The following DERA variants were observed in gnomAD, a reference collection of about 807,000 sequenced individuals.
DERA encodes 2-deoxy-D-ribose 5-phosphate aldolase.
A neutral mutation model predicts 41.1 loss-of-function variants in DERA; 15 were observed. The observed-to-expected ratio is 0.37, with a 90% CI of 0.24 to 0.56. The LOEUF (loss-of-function observed/expected upper bound fraction) is 0.56, where lower values mean the gene tolerates loss of function less well. Ranked by LOEUF, DERA falls within the 20% of genes least tolerant of loss-of-function variation. DERA has a pLI of 0.81. For missense variants in DERA, 396 were observed against 403.4 expected (o/e 0.98, Z 0.16); for synonymous variants, 139 against 137.4 (o/e 1.01, Z -0.08).
rs1948876935 is a variant in DERA, at chr12:16,001,870, G to T, written c.637+19434G>T. On this transcript the variant is annotated intron_variant, in intron 6 of 8. Transcript: ENST00000428559. The surrounding 1 kb of genome is among the most constrained non-coding windows in gnomAD (Gnocchi z 4.1). ...AGAATTCAGGTGCTTTGGGAGCTTA[G>T]AGAGGAAACAAACCCCGGTATGGAC... Among the ~76,000 whole-genome samples the T allele has an allele frequency of 6.6e-6, 1 of 152,160 alleles. No homozygotes were observed. The highest frequency in any genetic ancestry group is 1.5e-5 in the Non-Finnish European group (1 of 68,044).
chr12:15,925,667 A>G (rs915264322), intron 1 of DERA, among the ~76,000 whole-genome samples: 2 of 152,116 alleles, frequency 1.3e-5, no homozygotes, highest in South Asian at 2.1e-4. Flanking sequence ...ATTGCCTAGT[A>G]TCATCTCCTG....
At chr12:16,033,911 C>T (rs888912296) in intron 7 of DERA, among the ~76,000 whole-genome samples, 3 of 152,078 alleles carry the variant, frequency 2.0e-5, no homozygotes, top group African/African-American at 4.8e-5. Flanking sequence ...TGACCCAACT[C>T]GAATAACCTC....
intron 1 of DERA, among the ~76,000 whole-genome samples, chr12:15,930,352 A>G (rs1948318412): frequency 6.6e-6 from 1 of 152,200 alleles, no homozygotes; most frequent in African/African-American, 2.4e-5. Context: ...TTTCTTTCAT[A>G]TGGAAATGTG....
At position 15,959,693 on chromosome 12, in the gene DERA, T is replaced by C. The variant is rs1399293586; in HGVS notation, c.278-136T>C. The C allele has an allele frequency of 1.9e-6, 1 of 533,824 alleles. No individual in the cohort carries two copies. The highest frequency in any genetic ancestry group is 3.4e-6 in the Non-Finnish European group (1 of 296,138). The allele number at this position is 533,824 out of a possible 1,614,324, so 33.1% of individuals were successfully genotyped here. On this transcript the variant is annotated intron_variant, in intron 3 of 8. Coordinates refer to ENST00000428559, the MANE Select transcript of DERA (RefSeq NM_015954.4). This position sits in a 1 kb window ranked among gnomAD's most constrained non-coding sequence, Gnocchi z 4.5. ...AATGTGGAAAATAAAAATCTTTTAATTTATTGCAGTATTGTGGGGGAATTA... is the reference window on the plus strand; with the variant it reads ...AATGTGGAAAATAAAAATCTTTTAACTTATTGCAGTATTGTGGGGGAATTA...
At position 15,959,878 on chromosome 12, in the gene DERA, T is replaced by C. The variant is rs772473455; in HGVS notation, c.327T>C (p.Ala109=). Residue 109 remains alanine (A), a synonymous_variant, in exon 4 of 9, where the codon GCT becomes GCC. Coordinates refer to ENST00000428559, the MANE Select transcript of DERA (RefSeq NM_015954.4). The surrounding 1 kb of genome is among the most constrained non-coding windows in gnomAD (Gnocchi z 4.5). ...TTTATCCCGCCCGGGTGTGTGATGC[T>C]GTAAAAGCACTCAAGGCTGCAGGCT... ...VCVYPARVCD[A]VKALKAAGCN... 6.4e-7 allele frequency: 1 copy of C among 1,551,858 alleles called. No individual in the cohort carries two copies. Among genetic ancestry groups the C allele is most frequent in the South Asian group, 1.2e-5 (1 of 84,062 alleles).
At chr12:15,918,000 G>A (rs1002586925) in intron 1 of DERA, among the ~76,000 whole-genome samples, 1 of 152,236 alleles carries the variant, frequency 6.6e-6, no homozygotes, top group Admixed American at 6.5e-5. Flanking sequence ...TCATCTCTCT[G>A]TATCTACATA....
At position 15,981,123 on chromosome 12, in the gene DERA, C is replaced by A. The variant is rs138981038; in HGVS notation, c.509-1185C>A. On this transcript the variant is annotated intron_variant, in intron 5 of 8. Coordinates refer to ENST00000428559, the MANE Select transcript of DERA (RefSeq NM_015954.4). This position sits in a 1 kb window ranked among gnomAD's most constrained non-coding sequence, Gnocchi z 6.1. Reference sequence around the variant, plus strand: ...CAGCACTTTGGGACGCTGAGGCAGGCGGATTACCAGATCAGGAGATCGAGA... The same window carrying A: ...CAGCACTTTGGGACGCTGAGGCAGGAGGATTACCAGATCAGGAGATCGAGA... Among the ~76,000 whole-genome samples, 18 of 152,150 alleles carry A rather than the reference C, an allele frequency of 1.2e-4. No homozygotes were observed. Among genetic ancestry groups the A allele is most frequent in the African/African-American group, 4.3e-4 (18 of 41,508 alleles).
Position 15,931,348 on chromosome 12 carries a change from T to C in DERA, c.31+19934T>C, listed in dbSNP as rs1459827373. Among the ~76,000 whole-genome samples, 3 of 152,218 alleles carry C rather than the reference T, an allele frequency of 2.0e-5. No individual in the cohort carries two copies. The highest frequency in any genetic ancestry group is 4.4e-5 in the Non-Finnish European group (3 of 68,032). On this transcript the variant is annotated intron_variant, in intron 1 of 8. Coordinates refer to ENST00000428559, the MANE Select transcript of DERA (RefSeq NM_015954.4). The surrounding 1 kb of genome is among the most constrained non-coding windows in gnomAD (Gnocchi z 4.6). ...TTGAGAGGAAAGAGTTAAGTGGATT[T>C]TCTCTGAAGCGCTTGGTTCCTAGAA...
At position 15,962,764 on chromosome 12, in the gene DERA, T is replaced by C. The variant is rs190444750; in HGVS notation, c.374-49T>C. The stretch of plus-strand genomic sequence containing the variant: ...TCCCCTCCCCCCCTTGCTTACTTTC[T>C]TTCTTCCCTCCTTCCCTCTTTCTTC... On this transcript the variant is annotated intron_variant, in intron 4 of 8. Coordinates refer to ENST00000428559, the MANE Select transcript of DERA (RefSeq NM_015954.4). The C allele has an allele frequency of 3.7e-5, 55 of 1,491,418 alleles. No homozygotes were observed. In the East Asian group the frequency reaches 9.3e-4, roughly 25 times the overall value. The allele number at this position is 1,491,418 out of a possible 1,614,324, so 92.4% of individuals were successfully genotyped here.
intron 7 of DERA, among the ~76,000 whole-genome samples, chr12:16,034,187 G>C (rs1949111928): frequency 1.3e-5 from 2 of 152,196 alleles, no homozygotes. Flanking sequence ...CCAGGGTTCA[G>C]ACCTGCCATT....
chr12:15,977,365 C>T (rs1183889211), intron 5 of DERA, among the ~76,000 whole-genome samples: 7 of 152,200 alleles, frequency 4.6e-5, no homozygotes. Flanking sequence ...TTTTATTCCA[C>T]GTATGAAGAC....
At chr12:15,930,040 T>C (rs75186395) in intron 1 of DERA, among the ~76,000 whole-genome samples, 2,118 of 152,324 alleles carry the variant, frequency 0.014, 47 homozygotes, top group African/African-American at 0.048. Flanking sequence ...AGCTAGGTCA[T>C]AGAGTAACTG....
At chr12:16,031,568 G>A (rs1592059211) in intron 6 of DERA, among the ~76,000 whole-genome samples, 2 of 152,290 alleles carry the variant, frequency 1.3e-5, no homozygotes, top group South Asian at 4.1e-4. Flanking sequence ...TGCCCGTGCT[G>A]CTGGTACATC....
rs1164615922 is a variant in DERA, at chr12:15,993,765, C to T, written c.637+11329C>T. ...CCAAGCAAAAATTTTATAAAGTTTA[C>T]CCCCACCTGGCCCCTCGCTATCCTT... On this transcript the variant is annotated intron_variant, in intron 6 of 8. Transcript: ENST00000428559. The surrounding 1 kb of genome is among the most constrained non-coding windows in gnomAD (Gnocchi z 4.4). Among the ~76,000 whole-genome samples, 1 of 152,054 alleles carries T rather than the reference C, an allele frequency of 6.6e-6. No individual in the cohort carries two copies. The highest frequency in any genetic ancestry group is 2.4e-5 in the African/African-American group (1 of 41,400).
At position 15,990,595 on chromosome 12, in the gene DERA, C is replaced by A. The variant is rs1396132515; in HGVS notation, c.637+8159C>A. ...TTTGTCGTTTTTTCTGATCCTCTTC[C>A]TCCTTCCACCCTCCAAACTCCAAAA... On this transcript the variant is annotated intron_variant, in intron 6 of 8. Transcript: ENST00000428559. This position sits in a 1 kb window ranked among gnomAD's most constrained non-coding sequence, Gnocchi z 4.3. Among the ~76,000 whole-genome samples, 2 of 152,028 alleles carry A rather than the reference C, an allele frequency of 1.3e-5. No homozygotes were observed. Among genetic ancestry groups the A allele is most frequent in the African/African-American group, 4.8e-5 (2 of 41,364 alleles).
chr12:16,031,795 A>G (rs1333172375), intron 6 of DERA, among the ~76,000 whole-genome samples: 1 of 152,152 alleles, frequency 6.6e-6, no homozygotes, highest in Non-Finnish European at 1.5e-5. Flanking sequence ...AAAAGTAGAG[A>G]TCGTATTACT....
intron 1 of DERA, among the ~76,000 whole-genome samples, chr12:15,942,262 A>G (rs1008792601): frequency 6.6e-6 from 1 of 152,022 alleles, no homozygotes; most frequent in African/African-American, 2.4e-5. Context: ...TCTGAATGCT[A>G]TTCTTTTGTC....
rs1259146024 is a variant in DERA, at chr12:15,928,890, T to G, written c.31+17476T>G. 1.3e-5 allele frequency among the ~76,000 whole-genome samples: 2 copies of G among 152,184 alleles called. No homozygotes were observed. The highest frequency in any genetic ancestry group is 2.9e-5 in the Non-Finnish European group (2 of 68,040). On this transcript the variant is annotated intron_variant, in intron 1 of 8. Coordinates refer to ENST00000428559, the MANE Select transcript of DERA (RefSeq NM_015954.4). This position sits in a 1 kb window ranked among gnomAD's most constrained non-coding sequence, Gnocchi z 4.6. Reference sequence around the variant, plus strand: ...ATCTTGCCATTTTGACTTCTGTCCATCATGGTTTTTGTACACTTGACCTTA... The same window carrying G: ...ATCTTGCCATTTTGACTTCTGTCCAGCATGGTTTTTGTACACTTGACCTTA...
At chr12:15,932,421 G>C (rs978238172) in intron 1 of DERA, among the ~76,000 whole-genome samples, 3 of 152,084 alleles carry the variant, frequency 2.0e-5, no homozygotes, top group African/African-American at 7.2e-5. Flanking sequence ...AGGTCGAGGA[G>C]GGAAGATCAC....
Sources: gnomAD v4.1 joint callset for allele counts (sites outside exome capture counted in the v4.1 genomes callset) on GRCh38, gnomAD v4.1.1 for gene constraint, Gnocchi (gnomAD v3.1) non-coding constraint, MANE v1.5 for transcripts, NCBI Gene and HGNC (gene_info 2026-07-23, HGNC 2026-07-21) for gene names.